The following NSD1 variants were observed in gnomAD, a reference collection of about 807,000 sequenced individuals.
The protein encoded by NSD1 is histone-lysine N-methyltransferase, H3 lysine-36 specific.
Under a neutral mutation model 242.7 loss-of-function variants are expected in NSD1, and 26 were observed. That is an observed-to-expected ratio of 0.11 (90% confidence interval 0.08 to 0.15). The LOEUF is 0.15. NSD1 is among the 10% of genes least tolerant of loss of function. The pLI, the probability that NSD1 is intolerant of heterozygous loss-of-function variation, is 1.00. For synonymous variants in NSD1, 1,106 were observed against 1,178.1 expected (o/e 0.94, Z 1.25); for missense variants, 2,495 against 3,272.8 (o/e 0.76, Z 5.80).
At chr5:177,224,817 G>C (rs1461989294) in intron 5 of NSD1, among the ~76,000 whole-genome samples, 1 of 151,586 alleles carries the variant, frequency 6.6e-6, no homozygotes, top group Non-Finnish European at 1.5e-5. Context: ...GTCAGCTGTG[G>C]TTTTGTTATA....
intron 14 of NSD1, chr5:177,265,090 A>G (rs1371773101): frequency 1.3e-6 from 1 of 753,082 alleles, no homozygotes; most frequent in African/African-American, 1.7e-5. Context: ...AAACATGTGA[A>G]GGAAAATGAT....
chr5:177,231,384 T>C (rs753052057), intron 5 of NSD1, among the ~76,000 whole-genome samples: 10 of 152,326 alleles, frequency 6.6e-5, no homozygotes, highest in Non-Finnish European at 1.2e-4. Flanking sequence ...TTTGCCTAGC[T>C]GTTTTCACCA....
At chr5:177,150,421 C>T (rs1373734281) in intron 2 of NSD1, among the ~76,000 whole-genome samples, 2 of 152,084 alleles carry the variant, frequency 1.3e-5, no homozygotes, top group African/African-American at 2.4e-5. Context: ...TGAGCCACCG[C>T]GCCCTGCCAC....
chr5:177,243,624 T>C (rs1340472179), intron 8 of NSD1, among the ~76,000 whole-genome samples: 5 of 152,202 alleles, frequency 3.3e-5, no homozygotes, highest in African/African-American at 1.2e-4. Context: ...AGTCTATATG[T>C]TGGAAATCTC....
chr5:177,251,599 C>T (rs1004671272), intron 11 of NSD1, 131 bp from the exon 12 acceptor site: 26 of 826,898 alleles, frequency 3.1e-5, no homozygotes, highest in Non-Finnish European at 4.3e-5. Flanking sequence ...TCTACAACTA[C>T]GGGCCCTTGC....
rs1474971084 is a variant in NSD1 at position 177,273,656 on chromosome 5, C to T, written c.5510-16C>T. 4 of 1,568,586 alleles carry T rather than the reference C, an allele frequency of 2.6e-6. No homozygotes were observed. Among genetic ancestry groups the T allele is most frequent in the Middle Eastern group, 1.7e-4 (1 of 5,964 alleles). The stretch of plus-strand genomic sequence containing the variant: ...CCCAGAGATTTTGAAGTGACTTGTG[C>T]TGTCTGTTTTCATAGCTCTTCAGGA... On this transcript the variant is annotated splice_polypyrimidine_tract_variant and intron_variant, in intron 16 of 22. Coordinates refer to ENST00000439151, the MANE Select transcript of NSD1 (RefSeq NM_022455.5).
At chr5:177,248,887 A>G (rs911812657) in intron 11 of NSD1, among the ~76,000 whole-genome samples, 1 of 152,220 alleles carries the variant, frequency 6.6e-6, no homozygotes, top group Non-Finnish European at 1.5e-5. Flanking sequence ...TGAGGAAACT[A>G]AATTACAGAG....
At chr5:177,256,654 T>C (rs1756492955) in intron 12 of NSD1, among the ~76,000 whole-genome samples, 1 of 152,246 alleles carries the variant, frequency 6.6e-6, no homozygotes, top group African/African-American at 2.4e-5. Flanking sequence ...ATATTTCCTG[T>C]AAACTTGTAG....
chr5:177,242,688 T>A (rs1239645734), intron 8 of NSD1, among the ~76,000 whole-genome samples: 1 of 151,876 alleles, frequency 6.6e-6, no homozygotes, highest in Non-Finnish European at 1.5e-5. Context: ...CCACCATGCC[T>A]GGCTAATTTT....
At chr5:177,274,765 C>T (rs1406203072) in intron 17 of NSD1, among the ~76,000 whole-genome samples, 1 of 150,746 alleles carries the variant, frequency 6.6e-6, no homozygotes, top group Non-Finnish European at 1.5e-5. Context: ...ATGGAGTCTC[C>T]CCCTGTCTCC....
At position 177,224,220 on chromosome 5, in the gene NSD1, A is replaced by G. The variant is rs545772556; in HGVS notation, c.3797-11601A>G. 1.7e-4 allele frequency among the ~76,000 whole-genome samples: 26 copies of G among 152,318 alleles called. 1 individual carries two copies. The highest frequency in any genetic ancestry group is 1.5e-3 in the Admixed American group (23 of 15,300). On this transcript the variant is annotated intron_variant, in intron 5 of 22. Coordinates refer to ENST00000439151, the MANE Select transcript of NSD1 (RefSeq NM_022455.5). ...CAAAAAAGCCAGTTATGATTTTGAT[A>G]GGGATTGTGCTGAATCTGTGGGGTA... is the stretch of plus-strand genomic sequence containing the variant.
chr5:177,173,224 G>A (rs562467504), intron 2 of NSD1, among the ~76,000 whole-genome samples: 58 of 149,450 alleles, frequency 3.9e-4, no homozygotes, highest in African/African-American at 1.2e-3. Context: ...CCCGGGAGGC[G>A]GAGCTTACAG....
At chr5:177,185,558 A>G (rs1761039016) in intron 2 of NSD1, among the ~76,000 whole-genome samples, 1 of 149,634 alleles carries the variant, frequency 6.7e-6, no homozygotes, top group Non-Finnish European at 1.5e-5. Context: ...AGATTGTGCC[A>G]TTGCACTCCA....
intron 2 of NSD1, among the ~76,000 whole-genome samples, chr5:177,174,286 G>A (rs1310168745): frequency 1.3e-5 from 2 of 152,098 alleles, no homozygotes; most frequent in Non-Finnish European, 2.9e-5. Flanking sequence ...CGCGGGAGGC[G>A]GAGGTTGCAG....
At position 177,167,840 on chromosome 5, in the gene NSD1, T is replaced by C. The variant is rs1380717619; in HGVS notation, c.928-24044T>C. ...ATATTTTCGACTTATGATGGGTTAA[T>C]CAGGATGTAACCCCATTGTGAGTTG... On this transcript the variant is annotated intron_variant, in intron 2 of 22. Transcript: ENST00000439151. Among the ~76,000 whole-genome samples, 3 of 152,230 alleles carry C rather than the reference T, an allele frequency of 2.0e-5. No homozygotes were observed. In the East Asian group the frequency reaches 5.8e-4, roughly 29 times the overall value.
At chr5:177,280,906 A>G in intron 18 of NSD1, 72 bp downstream of exon 18, 1 of 1,491,606 alleles carries the variant, frequency 6.7e-7, no homozygotes, top group Non-Finnish European at 9.3e-7. Flanking sequence ...CCTTGACATT[A>G]GAAAATTCAT....
chr5:177,160,346 G>T (rs527266203), intron 2 of NSD1, among the ~76,000 whole-genome samples: 1 of 151,244 alleles, frequency 6.6e-6, no homozygotes, highest in East Asian at 1.9e-4. Context: ...TCACTCTGTC[G>T]CACAGGCTGG....
chr5:177,287,317 TTATC>T (rs1759413185), intron 20 of NSD1, among the ~76,000 whole-genome samples: 1 of 152,256 alleles, frequency 6.6e-6, no homozygotes, highest in African/African-American at 2.4e-5. Flanking sequence ...AAAATTTTAG[TTATC>T]TATCCATAAA....
In NSD1 at chr5:177,265,152, C is replaced by T. The variant is rs184716522; in HGVS notation, c.5147-2410C>T. The stretch of plus-strand genomic sequence containing the variant: ...AACCTGGGTTCAACTGAAGCACTAG[C>T]TTGCTCCACTCAGAGAAGCATACTT... On this transcript the variant is annotated intron_variant, in intron 14 of 22. Coordinates refer to ENST00000439151, the MANE Select transcript of NSD1 (RefSeq NM_022455.5). The T allele has an allele frequency of 3.9e-6, 3 of 761,088 alleles. No individual in the cohort carries two copies. In the African/African-American group the frequency reaches 5.1e-5, roughly 13 times the overall value. 47.1% of individuals were successfully genotyped at this position (761,088 alleles called of 1,614,324 possible). A position where few individuals can be genotyped will look rare whatever the true frequency, so the allele number is the denominator to read the frequency against.
Sources: allele counts gnomAD v4.1 joint callset (sites outside exome capture counted in the v4.1 genomes callset), GRCh38; gene constraint gnomAD v4.1.1; transcripts MANE v1.5; gene names NCBI Gene and HGNC (gene_info 2026-07-23, HGNC 2026-07-21).